COL15A1: variants seen among roughly 807,000 people sequenced by gnomAD.
The protein encoded by COL15A1 is collagen type XV alpha 1 chain.
Under a neutral mutation model 165.9 loss-of-function variants are expected in COL15A1, and 111 were observed. That is an observed-to-expected ratio of 0.67 (90% CI 0.57 to 0.78). COL15A1 has a LOEUF of 0.78. Among genes scored for constraint, COL15A1 ranks in the 30% least tolerant of loss-of-function variants. The pLI is 0.00. For missense variants in COL15A1, 1,745 were observed against 1,789.7 expected, an observed-to-expected ratio of 0.98 and a Z score of 0.45; for synonymous variants, 659 against 674.8, an observed-to-expected ratio of 0.98 and a Z score of 0.36.
In COL15A1 at chr9:99,059,896, C is replaced by G; in HGVS notation, c.3345C>G (p.Ala1115=). 1.1e-5 allele frequency: 18 copies of G among 1,613,842 alleles called. No individual in the cohort carries two copies. The highest frequency in any genetic ancestry group is 1.5e-5 in the Non-Finnish European group (18 of 1,179,916). The change falls in exon 36 of 42, where the codon GCC becomes GCG. Residue 1115 remains alanine (A), a synonymous_variant. Transcript: ENST00000375001. The part of the protein sequence containing the change: ...GPPAILGAAV[A]LPGPPGPPGQ... ...TTTTCTGTTTTGTCTTAGCTGTGGCCCTTCCAGGTCCCCCTGGCCCTCCAG... is the reference window on the plus strand; with the variant it reads ...TTTTCTGTTTTGTCTTAGCTGTGGCGCTTCCAGGTCCCCCTGGCCCTCCAG...
At chr9:98,990,392 G>T (rs1280736975) in intron 5 of COL15A1, among the ~76,000 whole-genome samples, 2 of 152,202 alleles carry the variant, frequency 1.3e-5, no homozygotes, top group Non-Finnish European at 2.9e-5. Flanking sequence ...CAGTTGGGAT[G>T]AATGAAGTCA....
chr9:99,011,138 T>TA (rs1838841344), intron 9 of COL15A1, among the ~76,000 whole-genome samples: 2 of 152,170 alleles, frequency 1.3e-5, no homozygotes, highest in Admixed American at 1.3e-4. Flanking sequence ...GAACTTTGTG[T>TA]AAAAAAATTA....
intron 11 of COL15A1, among the ~76,000 whole-genome samples, chr9:99,018,456 T>G (rs568654326): frequency 6.6e-6 from 1 of 152,292 alleles, no homozygotes; most frequent in East Asian, 1.9e-4. Flanking sequence ...ATATTAACAA[T>G]CATAAGAGCG....
At chr9:99,044,149 T>C (rs1214493529) in intron 24 of COL15A1, among the ~76,000 whole-genome samples, 1 of 152,092 alleles carries the variant, frequency 6.6e-6, no homozygotes, top group Non-Finnish European at 1.5e-5. Context: ...AAGCAAGCTG[T>C]CAAATACATT....
chr9:98,996,791 G>C, intron 5 of COL15A1, 143 bp from the exon 6 acceptor site: 1 of 1,245,888 alleles, frequency 8.0e-7, no homozygotes. Flanking sequence ...CATTGCCCAG[G>C]TAGACACCAA....
In COL15A1 at chr9:99,022,153, G is replaced by T; in HGVS notation, c.1761+3G>T. The T allele has an allele frequency of 1.2e-6, 2 of 1,614,106 alleles. No individual in the cohort carries two copies. Among genetic ancestry groups the T allele is most frequent in the Non-Finnish European group, 8.5e-7 (1 of 1,179,982 alleles). ...CTTCTGGGCCTGTTGGACCCACGGT[G>T]AGATTCCCATCCAGGCTTGTCACAC... On this transcript the variant is annotated splice_donor_region_variant and intron_variant, in intron 13 of 41. Coordinates refer to ENST00000375001, the MANE Select transcript of COL15A1 (RefSeq NM_001855.5).
intron 16 of COL15A1, among the ~76,000 whole-genome samples, chr9:99,029,459 TAAGA>T (rs1367621099): frequency 6.6e-6 from 1 of 152,222 alleles, no homozygotes; most frequent in African/African-American, 2.4e-5. Context: ...AAACCTTGTA[TAAGA>T]AAGAAAAGAG....
intron 39 of COL15A1, among the ~76,000 whole-genome samples, chr9:99,066,599 GT>G (rs67961829): frequency 0.053 from 3,753 of 70,958 alleles, 55 homozygotes; most frequent in African/African-American, 0.068. Context: ...ATTTTGTTCT[GT>G]TTTTTTTTTT....
At chr9:99,024,277 GT>G (rs773196929) in intron 14 of COL15A1, among the ~76,000 whole-genome samples, 1 of 108,628 alleles carries the variant, frequency 9.2e-6, no homozygotes, top group Non-Finnish European at 1.8e-5. Context: ...AGTTTTTTTT[GT>G]TTTTTTGTTT....
chr9:99,069,597 T>A (rs1184490343), intron 41 of COL15A1, 76 bp from the exon 42 acceptor site: 4 of 1,549,076 alleles, frequency 2.6e-6, no homozygotes, highest in Non-Finnish European at 3.5e-6. Context: ...TCATTAGACT[T>A]ATGCCAATTT....
chr9:99,059,757 C>A (rs1031383762), intron 35 of COL15A1, 132 bp from the exon 36 acceptor site: 3 of 913,882 alleles, frequency 3.3e-6, no homozygotes, highest in African/African-American at 3.3e-5. Context: ...ACCCAAGATA[C>A]AGGTGGAAGT....
chr9:98,963,207 G>GCA (rs1195533451), intron 2 of COL15A1, among the ~76,000 whole-genome samples: 1 of 152,176 alleles, frequency 6.6e-6, no homozygotes, highest in Non-Finnish European at 1.5e-5. Context: ...GTGTGAGAAG[G>GCA]CACAGTTCAC....
rs146195071 is a variant in COL15A1 at position 99,046,196 on chromosome 9, G to A, written c.2679+1426G>A. ...GCTTGCCAAACACAGGCAGTAAGTGGCACCTTCTTCTAATTTGCATGAAGG... is the reference window on the plus strand; with the variant it reads ...GCTTGCCAAACACAGGCAGTAAGTGACACCTTCTTCTAATTTGCATGAAGG... On this transcript the variant is annotated intron_variant, in intron 26 of 41. Coordinates refer to ENST00000375001, the MANE Select transcript of COL15A1 (RefSeq NM_001855.5). Among the ~76,000 whole-genome samples, 184 of 152,350 alleles carry A rather than the reference G, an allele frequency of 1.2e-3. 1 individual carries two copies. Among genetic ancestry groups the A allele is most frequent in the African/African-American group, 4.3e-3 (178 of 41,580 alleles).
At chr9:99,057,079 G>A (rs1448571871) in intron 35 of COL15A1, among the ~76,000 whole-genome samples, 2 of 152,204 alleles carry the variant, frequency 1.3e-5, no homozygotes, top group Non-Finnish European at 1.5e-5. Flanking sequence ...AAATTGCTGG[G>A]TCATATGGTA....
At position 98,960,383 on chromosome 9, in the gene COL15A1, G is replaced by A. The variant is rs186460244; in HGVS notation, c.100+16133G>A. Among the ~76,000 whole-genome samples the A allele has an allele frequency of 5.3e-3, 800 of 152,196 alleles. 10 individuals carry two copies. Among genetic ancestry groups the A allele is most frequent in the Middle Eastern group, 0.02 (6 of 294 alleles). ...CCACTGAACGAACCCCAGCCTGGGTGACAAAGGGAGACTCTGTTTCAAAAA... is the reference window on the plus strand; with the variant it reads ...CCACTGAACGAACCCCAGCCTGGGTAACAAAGGGAGACTCTGTTTCAAAAA... On this transcript the variant is annotated intron_variant, in intron 2 of 41. Coordinates refer to ENST00000375001, the MANE Select transcript of COL15A1 (RefSeq NM_001855.5).
Position 99,015,442 on chromosome 9 carries a change from C to T in COL15A1, c.1379C>T (p.Thr460Ile). 1 of 1,608,530 alleles carries T rather than the reference C, an allele frequency of 6.2e-7. No homozygotes were observed. The highest frequency in any genetic ancestry group is 1.3e-5 in the African/African-American group (1 of 74,932). ...GGTCCAAGCAGTGAAGACAGTTTAA[C>T]AACAGCTGCAGCTGCAACCGAAGTG... is the stretch of plus-strand genomic sequence containing the variant. ...TVGPSSEDSL[T>I]TAAAATEVSL... Residue 460 changes from threonine to isoleucine, a missense_variant, in exon 10 of 42, where the codon ACA (threonine) becomes ATA (isoleucine). Transcript: ENST00000375001.
In COL15A1 at chr9:99,062,280, T is replaced by C; in HGVS notation, c.3567T>C (p.Pro1189=). ...GELIPIPADS[P]PPPALSSNPH... ...TGATCCCCATTCCTGCCGACAGCCC[T>C]CCACCCCCTGCGCTTTCCAGCAACG... is the stretch of plus-strand genomic sequence containing the variant. The change falls in exon 38 of 42, where the codon CCT becomes CCC. Residue 1189 remains proline, a synonymous_variant. Coordinates refer to ENST00000375001, the MANE Select transcript of COL15A1 (RefSeq NM_001855.5). The C allele has an allele frequency of 6.2e-7, 1 of 1,613,626 alleles. No individual in the cohort carries two copies. The highest frequency in any genetic ancestry group is 8.5e-7 in the Non-Finnish European group (1 of 1,179,516).
At chr9:98,992,030 C>T (rs1167817481) in intron 5 of COL15A1, among the ~76,000 whole-genome samples, 1 of 152,262 alleles carries the variant, frequency 6.6e-6, no homozygotes, top group African/African-American at 2.4e-5. Flanking sequence ...AAGTCCCCAC[C>T]CAACTCAGGA....
In COL15A1 at chr9:98,989,234, A is replaced by G. The variant is rs536611869; in HGVS notation, c.780A>G (p.Glu260=). 161 of 1,614,018 alleles carry G rather than the reference A, an allele frequency of 1.0e-4. 2 individuals carry two copies. The South Asian group carries it at 1.5e-3, about 15-fold the overall frequency. ...CAGACGGAGTAGCTGAGATCTTAGA[A>G]GCCGTCACCTACACTCAAGCCTCGG... ...QEADGVAEIL[E]AVTYTQASPK... The change falls in exon 5 of 42, where the codon GAA becomes GAG. Residue 260 remains glutamate, a synonymous_variant. Coordinates refer to ENST00000375001, the MANE Select transcript of COL15A1 (RefSeq NM_001855.5).
Sources: allele counts gnomAD v4.1 joint callset (sites outside exome capture counted in the v4.1 genomes callset), GRCh38; gene constraint gnomAD v4.1.1; transcripts MANE v1.5; gene names NCBI Gene and HGNC (gene_info 2026-07-23, HGNC 2026-07-21).